The following ARID1B variants were observed in gnomAD, a reference collection of about 807,000 sequenced individuals.
ARID1B encodes the protein AT-rich interactive domain-containing protein 1B.
ARID1B carries 30 observed loss-of-function variants against 212.3 expected under a neutral mutation model. That is an observed-to-expected ratio of 0.14 (90% CI 0.11 to 0.19). ARID1B has a LOEUF of 0.19. Among genes scored for constraint, ARID1B ranks in the 10% least tolerant of loss-of-function variants. ARID1B has a pLI of 1.00. For synonymous variants in ARID1B, 1,402 were observed against 1,301.7 expected (o/e 1.08, Z -1.66); for missense variants, 2,891 against 3,204.0 (o/e 0.90, Z 2.36).
chr6:157,197,512 T>C (rs1793807857), intron 16 of ARID1B, among the ~76,000 whole-genome samples: 2 of 152,236 alleles, frequency 1.3e-5, no homozygotes, highest in Admixed American at 1.3e-4. Context: ...TGAGAGTCCA[T>C]CCCATGTTTA....
chr6:157,122,257 C>T (rs528547301), intron 6 of ARID1B, among the ~76,000 whole-genome samples: 12 of 152,204 alleles, frequency 7.9e-5, no homozygotes, highest in South Asian at 4.2e-4. Context: ...TAGACTTACG[C>T]GAACACTGCT....
intron 7 of ARID1B, chr6:157,140,638 C>T: frequency 2.5e-6 from 1 of 398,574 alleles, no homozygotes; most frequent in Non-Finnish European, 4.4e-6. Context: ...TTTGGAGTAA[C>T]ACGTAGCTTT....
chr6:157,061,474 C>T (rs1318368423), intron 4 of ARID1B, among the ~76,000 whole-genome samples: 1 of 151,938 alleles, frequency 6.6e-6, no homozygotes, highest in Non-Finnish European at 1.5e-5. Flanking sequence ...AGGTCACCTG[C>T]TTGACATCTC....
intron 4 of ARID1B, among the ~76,000 whole-genome samples, chr6:157,070,297 G>T (rs1333478083): frequency 6.6e-6 from 1 of 151,568 alleles, no homozygotes; most frequent in Non-Finnish European, 1.5e-5. Flanking sequence ...ATGAAATCAG[G>T]TCTTCAGATC....
chr6:156,884,933 T>C (rs1787389956), intron 2 of ARID1B, among the ~76,000 whole-genome samples: 1 of 152,212 alleles, frequency 6.6e-6, no homozygotes, highest in East Asian at 1.9e-4. Flanking sequence ...GGATAAAGTT[T>C]CATTGTTCTT....
chr6:157,082,573 C>T (rs373953047), intron 4 of ARID1B, among the ~76,000 whole-genome samples: 4 of 152,086 alleles, frequency 2.6e-5, no homozygotes, highest in Non-Finnish European at 5.9e-5. Flanking sequence ...TGCATCTCAC[C>T]GTGTCACCTA....
At chr6:156,972,736 G>A (rs1777010392) in intron 4 of ARID1B, among the ~76,000 whole-genome samples, 1 of 152,148 alleles carries the variant, frequency 6.6e-6, no homozygotes, top group South Asian at 2.1e-4. Flanking sequence ...AGACCTGCAG[G>A]ACTTAGAAAT....
At chr6:156,934,432 CAAG>C (rs1452419878) in intron 3 of ARID1B, among the ~76,000 whole-genome samples, 2 of 152,154 alleles carry the variant, frequency 1.3e-5, no homozygotes. Context: ...GAGTGTTTGA[CAAG>C]ATGCCAGAAA....
intron 4 of ARID1B, chr6:157,036,755 A>G: frequency 2.1e-6 from 1 of 480,686 alleles, no homozygotes; most frequent in South Asian, 1.6e-5. Context: ...ATTCTAGGCC[A>G]TGCCTGTGTC....
At chr6:157,006,954 C>A (rs1554281951) in intron 4 of ARID1B, among the ~76,000 whole-genome samples, 1 of 151,246 alleles carries the variant, frequency 6.6e-6, no homozygotes, top group Non-Finnish European at 1.5e-5. Flanking sequence ...CATGTGTGTA[C>A]ACACACACAC....
intron 4 of ARID1B, among the ~76,000 whole-genome samples, chr6:157,063,624 A>T (rs987996406): frequency 1.3e-5 from 2 of 152,222 alleles, no homozygotes; most frequent in African/African-American, 4.8e-5. Flanking sequence ...CCAACATAAA[A>T]TGTGTGTAAA....
At chr6:157,052,183 G>A (rs1213324008) in intron 4 of ARID1B, among the ~76,000 whole-genome samples, 1 of 152,058 alleles carries the variant, frequency 6.6e-6, no homozygotes, top group Non-Finnish European at 1.5e-5. Flanking sequence ...GATAACAGAG[G>A]TTATTTATAT....
chr6:157,081,031 A>G (rs893576015), intron 4 of ARID1B, among the ~76,000 whole-genome samples: 6 of 152,240 alleles, frequency 3.9e-5, no homozygotes, highest in Non-Finnish European at 4.4e-5. Context: ...TGATTTTACT[A>G]TGCTTGAGAG....
chr6:156,901,441 C>T lies in ARID1B; in HGVS notation c.2052C>T (p.Tyr684=), dbSNP rs2128210833. 6.2e-7 allele frequency: 1 copy of T among 1,614,100 alleles called. No individual in the cohort carries two copies. ...GCCAGCAGGGCCAACAGCCATATTA[C>T]AGCCAGCAGCCGCAGCCCCCGCACC... is the stretch of plus-strand genomic sequence containing the variant. ...GYCQQGQQPY[Y]SQQPQPPHLP... is the part of the protein sequence containing the mutation. Residue 684 remains tyrosine (Y), a synonymous_variant, in exon 3 of 20, where the codon TAC becomes TAT. Transcript: ENST00000636930.
intron 1 of ARID1B, among the ~76,000 whole-genome samples, chr6:156,792,414 G>A (rs999276704): frequency 6.6e-6 from 1 of 152,136 alleles, no homozygotes; most frequent in Non-Finnish European, 1.5e-5. Context: ...GACCAGCCTG[G>A]GCAACATAGT....
At chr6:157,180,369 A>G (rs1407784027) in intron 11 of ARID1B, among the ~76,000 whole-genome samples, 2 of 141,478 alleles carry the variant, frequency 1.4e-5, no homozygotes, top group African/African-American at 5.3e-5. Flanking sequence ...TAGTTTATCT[A>G]AAAAAAAAAA....
chr6:157,147,215 C>T (rs1241418973), intron 7 of ARID1B, among the ~76,000 whole-genome samples: 14 of 6,448 alleles, frequency 2.2e-3, no homozygotes, highest in Middle Eastern at 0.028. Flanking sequence ...CCGGCCCTGC[C>T]CTCCGTCCCT....
At chr6:156,806,092 T>G (rs1197472499) in intron 1 of ARID1B, among the ~76,000 whole-genome samples, 1 of 152,216 alleles carries the variant, frequency 6.6e-6, no homozygotes, top group Non-Finnish European at 1.5e-5. Flanking sequence ...AAATTAGGTT[T>G]AATGGTGGGT....
At chr6:157,145,716 C>T (rs1240639387) in intron 7 of ARID1B, among the ~76,000 whole-genome samples, 2 of 152,164 alleles carry the variant, frequency 1.3e-5, no homozygotes, top group Non-Finnish European at 2.9e-5. Flanking sequence ...GTGTGTCATG[C>T]TTGGACTCTA....
Sources: gnomAD v4.1 joint callset for allele counts (sites outside exome capture counted in the v4.1 genomes callset) on GRCh38, gnomAD v4.1.1 for gene constraint, MANE v1.5 for transcripts, NCBI Gene and HGNC (gene_info 2026-07-23, HGNC 2026-07-21) for gene names.